Variants in NR2F1-AS1 observed in about 807,000 individuals in gnomAD.
NR2F1-AS1 encodes the protein NR2F1 regulatory antisense RNA 1.
At chr5:93,548,892 A>C (rs1731202785) in intron 4 of NR2F1-AS1, among the ~76,000 whole-genome samples, 1 of 152,094 alleles carries the variant, frequency 6.6e-6, no homozygotes, top group African/African-American at 2.4e-5. Flanking sequence ...AATACATAAA[A>C]AATAAACAAG....
chr5:93,497,509 T>C (rs1465543693), intron 4 of NR2F1-AS1, among the ~76,000 whole-genome samples: 8 of 152,308 alleles, frequency 5.3e-5, no homozygotes, highest in Admixed American at 4.6e-4. Flanking sequence ...TTCAATTAGA[T>C]GGAAAATTGA....
intron 4 of NR2F1-AS1, among the ~76,000 whole-genome samples, chr5:93,516,663 A>T (rs143193531): frequency 6.6e-6 from 1 of 152,014 alleles, no homozygotes; most frequent in East Asian, 1.9e-4. Flanking sequence ...AAAACTAATA[A>T]GCAGAAAATC....
intron 4 of NR2F1-AS1, among the ~76,000 whole-genome samples, chr5:93,511,967 T>C (rs1580290504): frequency 6.6e-6 from 1 of 152,186 alleles, no homozygotes; most frequent in Non-Finnish European, 1.5e-5. Context: ...CACTGATATA[T>C]AGTACATAGT....
chr5:93,454,407 T>C (rs922173366), intron 4 of NR2F1-AS1, among the ~76,000 whole-genome samples: 10 of 152,326 alleles, frequency 6.6e-5, no homozygotes, highest in African/African-American at 2.4e-4. Context: ...GCTTTTGTGA[T>C]ATAAAGAAAT....
intron 4 of NR2F1-AS1, among the ~76,000 whole-genome samples, chr5:93,462,191 C>T (rs1010319614): frequency 3.9e-5 from 6 of 152,266 alleles, no homozygotes; most frequent in African/African-American, 1.2e-4. Context: ...CCACAATTCC[C>T]ACATGTCATG....
At chr5:93,506,829 T>C (rs1751195472) in intron 4 of NR2F1-AS1, among the ~76,000 whole-genome samples, 1 of 152,112 alleles carries the variant, frequency 6.6e-6, no homozygotes, top group Non-Finnish European at 1.5e-5. Context: ...TCAACTAGTA[T>C]AATCTCAACG....
intron 4 of NR2F1-AS1, among the ~76,000 whole-genome samples, chr5:93,468,696 G>T (rs1386215815): frequency 8.5e-5 from 13 of 152,150 alleles, no homozygotes; most frequent in Non-Finnish European, 1.8e-4. Flanking sequence ...ATTGCTTTTG[G>T]TGTTTTAGTC....
intron 4 of NR2F1-AS1, among the ~76,000 whole-genome samples, chr5:93,535,960 G>C (rs965086347): frequency 6.6e-6 from 1 of 151,982 alleles, no homozygotes; most frequent in Admixed American, 6.6e-5. Flanking sequence ...AGAGCAATTA[G>C]ACAAGAGAAA....
rs904728663 is a variant in NR2F1-AS1 at position 93,467,832 on chromosome 5, G to A, written n.639-72290C>T. On this transcript the variant is annotated intron_variant and non_coding_transcript_variant, in intron 4 of 5. Transcript: ENST00000660523. ...CTAATGCTATGCCCTGACAGGCCCC[G>A]GCATATGGTGTTTCCTGCCCTGTGT... Among the ~76,000 whole-genome samples the A allele has an allele frequency of 1.2e-4, 18 of 151,488 alleles. No individual in the cohort carries two copies. In the East Asian group the frequency reaches 2.3e-3, roughly 20 times the overall value.
intron 4 of NR2F1-AS1, among the ~76,000 whole-genome samples, chr5:93,462,129 A>G (rs890169051): frequency 1.3e-5 from 2 of 152,196 alleles, no homozygotes; most frequent in Non-Finnish European, 2.9e-5. Flanking sequence ...AAAATGACCA[A>G]TGATATGGTT....
chr5:93,501,400 C>A (rs1008612731), intron 4 of NR2F1-AS1, among the ~76,000 whole-genome samples: 2 of 142,970 alleles, frequency 1.4e-5, no homozygotes, highest in African/African-American at 5.2e-5. Context: ...TTCACCCAGG[C>A]TGGAGTGCAG....
intron 4 of NR2F1-AS1, among the ~76,000 whole-genome samples, chr5:93,459,075 A>T (rs1238043638): frequency 6.6e-6 from 1 of 152,154 alleles, no homozygotes; most frequent in East Asian, 1.9e-4. Flanking sequence ...TTTGCAAAAG[A>T]TGTATCTGAT....
intron 1 of NR2F1-AS1, among the ~76,000 whole-genome samples, chr5:93,564,096 C>T (rs903214457): frequency 7.8e-5 from 6 of 77,378 alleles, no homozygotes; most frequent in East Asian, 4.3e-4. Context: ...AGCCAGACTC[C>T]GTCTCAAAAA....
At chr5:93,489,454 A>G (rs888732875) in intron 4 of NR2F1-AS1, among the ~76,000 whole-genome samples, 3 of 152,048 alleles carry the variant, frequency 2.0e-5, no homozygotes, top group Non-Finnish European at 2.9e-5. Flanking sequence ...ATGCTATTGC[A>G]CAAAATAGAC....
In NR2F1-AS1 at chr5:93,451,320, GAAAAAAA is replaced by G. The variant is rs35059457; in HGVS notation, n.639-55785_639-55779del. 5.9e-3 allele frequency among the ~76,000 whole-genome samples: 468 copies of G among 78,706 alleles called. 1 individual carries two copies. Among genetic ancestry groups the G allele is most frequent in the African/African-American group, 0.017 (453 of 26,528 alleles). 51.6% of individuals were successfully genotyped at this position (78,706 alleles called of 152,430 possible). On this transcript the variant is annotated intron_variant and non_coding_transcript_variant, in intron 4 of 5. Transcript: ENST00000660523. ...CACCAGGTTTTAGAGTAGGGTTTTTGAAAAAAAAAAAAAAAAAAAGCTGGCAACTATT... is the reference window on the plus strand; with the variant it reads ...CACCAGGTTTTAGAGTAGGGTTTTTGAAAAAAAAAAAAGCTGGCAACTATT...
intron 4 of NR2F1-AS1, among the ~76,000 whole-genome samples, chr5:93,448,905 A>G (rs1404586883): frequency 2.0e-5 from 3 of 152,204 alleles, no homozygotes; most frequent in African/African-American, 7.2e-5. Context: ...GTCTGACCAA[A>G]TATCTGGGCA....
chr5:93,500,023 C>T (rs1039313986), intron 4 of NR2F1-AS1, among the ~76,000 whole-genome samples: 12 of 152,100 alleles, frequency 7.9e-5, no homozygotes, highest in Non-Finnish European at 1.3e-4. Flanking sequence ...CGAGGTTTAA[C>T]GAAAGAAGCC....
intron 4 of NR2F1-AS1, among the ~76,000 whole-genome samples, chr5:93,481,068 G>A (rs1283986368): frequency 6.6e-6 from 1 of 151,968 alleles, no homozygotes; most frequent in Admixed American, 6.6e-5. Context: ...AAAAAACAGA[G>A]ATTGTAGAAA....
chr5:93,492,912 T>C (rs935940476), intron 4 of NR2F1-AS1, among the ~76,000 whole-genome samples: 1 of 151,244 alleles, frequency 6.6e-6, no homozygotes, highest in Admixed American at 6.6e-5. Context: ...AGGGCACTTA[T>C]GAAAAACCCA....
Sources: allele counts gnomAD v4.1 joint callset (sites outside exome capture counted in the v4.1 genomes callset), GRCh38; gene constraint gnomAD v4.1.1; transcripts MANE v1.5; gene names NCBI Gene and HGNC (gene_info 2026-07-23, HGNC 2026-07-21).